Variants in RYR2 observed in about 807,000 individuals in gnomAD.
The protein encoded by RYR2 is ryanodine receptor 2.
A neutral mutation model predicts 601.1 loss-of-function variants in RYR2; 227 were observed. That is an observed-to-expected ratio of 0.38 (90% confidence interval 0.34 to 0.42). The LOEUF (loss-of-function observed/expected upper bound fraction) is 0.42, where lower values mean the gene tolerates loss of function less well. RYR2 is among the 10% of genes least tolerant of loss of function. The pLI is 1.00. For missense variants in RYR2, 4,646 were observed against 6,156.5 expected, an observed-to-expected ratio of 0.75 and a Z score of 8.21; for synonymous variants, 2,223 against 2,175.1, an observed-to-expected ratio of 1.02 and a Z score of -0.61.
chr1:237,159,341 CTAAT>C lies in RYR2; in HGVS notation c.49-111151_49-111148del, dbSNP rs1190832298. On this transcript the variant is annotated intron_variant, in intron 1 of 104. Transcript: ENST00000366574. The stretch of plus-strand genomic sequence containing the variant: ...GTAAAAGCAAATATAGAAATTGGAA[CTAAT>C]TAATAGTTATTTTGGTACAGGATGA... 3.3e-5 allele frequency among the ~76,000 whole-genome samples: 5 copies of C among 151,838 alleles called. No homozygotes were observed. The East Asian group carries it at 7.7e-4, about 24-fold the overall frequency.
intron 102 of RYR2, among the ~76,000 whole-genome samples, chr1:237,829,614 T>A (rs1046912358): frequency 6.6e-6 from 1 of 152,312 alleles, no homozygotes; most frequent in Non-Finnish European, 1.5e-5. Flanking sequence ...ACCTGATCGA[T>A]TGTTCTCCCC....
chr1:237,248,759 ATTT>A (rs34881922), intron 1 of RYR2, among the ~76,000 whole-genome samples: 30 of 119,878 alleles, frequency 2.5e-4, no homozygotes, highest in African/African-American at 5.2e-4. Context: ...ATGAATGTAC[ATTT>A]TTTTTTTTTT....
At position 237,500,898 on chromosome 1, in the gene RYR2, A is replaced by C; in HGVS notation, c.2391A>C (p.Gly797=). The part of the protein sequence containing the change: ...LFFPVVSFSA[G]IKVRFLLGGR... The stretch of plus-strand genomic sequence containing the variant: ...TTCCAGTCGTTAGTTTCTCTGCAGG[A>C]ATAAAGTTAGTATGTCTATGTTTTT... The change falls in exon 21 of 105, where the codon GGA becomes GGC. Residue 797 remains glycine, a synonymous_variant. Coordinates refer to ENST00000366574, the MANE Select transcript of RYR2 (RefSeq NM_001035.3). 1 of 1,613,910 alleles carries C rather than the reference A, an allele frequency of 6.2e-7. No individual in the cohort carries two copies. The highest frequency in any genetic ancestry group is 8.5e-7 in the Non-Finnish European group (1 of 1,179,818).
intron 1 of RYR2, among the ~76,000 whole-genome samples, chr1:237,104,978 T>C (rs917805219): frequency 6.6e-6 from 1 of 152,192 alleles, no homozygotes; most frequent in African/African-American, 2.4e-5. Context: ...TGCTGGGAAT[T>C]TCAGGCTTTC....
At chr1:237,351,852 T>A (rs968355669) in intron 3 of RYR2, among the ~76,000 whole-genome samples, 7 of 36,044 alleles carry the variant, frequency 1.9e-4, no homozygotes, top group South Asian at 6.0e-4. Context: ...ACAAAGACCA[T>A]GCAAAAAAAA....
chr1:237,813,021 A>G (rs1363832165), intron 100 of RYR2, among the ~76,000 whole-genome samples: 1 of 151,516 alleles, frequency 6.6e-6, no homozygotes, highest in African/African-American at 2.4e-5. Context: ...CCCTCCTCCC[A>G]CGCCTATTCA....
chr1:237,522,992 T>TA (rs56371731), intron 24 of RYR2, among the ~76,000 whole-genome samples: 19 of 142,070 alleles, frequency 1.3e-4, no homozygotes, highest in African/African-American at 4.4e-4. Context: ...TCAGCAGACT[T>TA]AAAAAAAAAA....
rs767262604 is a variant in RYR2 at position 237,798,029 on chromosome 1, AC to A, written c.13957-4del. On this transcript the variant is annotated splice_region_variant and splice_polypyrimidine_tract_variant and intron_variant, in intron 96 of 104. Coordinates refer to ENST00000366574, the MANE Select transcript of RYR2 (RefSeq NM_001035.3). ...AAGCCAACAAAATGCTTTTTCTCATACCCCAAGGTTATGGATAAATATGGAG... is the reference window on the plus strand; with the variant it reads ...AAGCCAACAAAATGCTTTTTCTCATACCCAAGGTTATGGATAAATATGGAG... 1 of 1,604,464 alleles carries A rather than the reference AC, an allele frequency of 6.2e-7. No individual in the cohort carries two copies.
rs1317199703 is a variant in RYR2, at chr1:237,588,101, T to G, written c.3599-1692T>G. On this transcript the variant is annotated intron_variant, in intron 29 of 104. Coordinates refer to ENST00000366574, the MANE Select transcript of RYR2 (RefSeq NM_001035.3). ...TAAAACAACTTTTCTTGACTATAGC[T>G]TTAAGAGCTGTCACAGCTGCAGATA... Among the ~76,000 whole-genome samples, 24 of 152,220 alleles carry G rather than the reference T, an allele frequency of 1.6e-4. 1 individual carries two copies. The highest frequency in any genetic ancestry group is 1.6e-3 in the Admixed American group (24 of 15,282).
chr1:237,610,986 C>T lies in RYR2; in HGVS notation c.4908C>T (p.Asn1636=). 3 of 1,610,270 alleles carry T rather than the reference C, an allele frequency of 1.9e-6. No individual in the cohort carries two copies. Among genetic ancestry groups the T allele is most frequent in the Non-Finnish European group, 2.5e-6 (3 of 1,178,112 alleles). Reference sequence around the variant, plus strand: ...TGTCTCTTCATATCCCTGAGGAAAACAGGTCAGCCCCAGTGAATCCCTGAC... The same window carrying T: ...TGTCTCTTCATATCCCTGAGGAAAATAGGTCAGCCCCAGTGAATCCCTGAC... ...QFMSLHIPEE[N]RSVDILELTE... The change falls in exon 36 of 105, where the codon AAC becomes AAT. Residue 1636 remains asparagine (N), a splice_region_variant and synonymous_variant. Transcript: ENST00000366574. The surrounding 1 kb of genome is among the most constrained non-coding windows in gnomAD (Gnocchi z 4.9).
intron 20 of RYR2, among the ~76,000 whole-genome samples, chr1:237,497,415 G>A (rs1664188759): frequency 6.6e-6 from 1 of 152,178 alleles, no homozygotes; most frequent in South Asian, 2.1e-4. Context: ...TCTGATTCAT[G>A]AAGAAGTAGA....
In RYR2 at chr1:237,646,031, T is replaced by C. The variant is rs372156713; in HGVS notation, c.7343-2413T>C. 7.3e-5 allele frequency among the ~76,000 whole-genome samples: 11 copies of C among 151,050 alleles called. No homozygotes were observed. In the South Asian group the frequency reaches 8.6e-4, roughly 12 times the overall value. ...AGCTGGGACTACAGGCGCCCGCCAC[T>C]ATGCCCGGCTAATTCTTTTGTATTT... On this transcript the variant is annotated intron_variant, in intron 48 of 104. Transcript: ENST00000366574.
chr1:237,369,852 G>C (rs1700499737), intron 6 of RYR2, among the ~76,000 whole-genome samples: 1 of 147,606 alleles, frequency 6.8e-6, no homozygotes, highest in Non-Finnish European at 1.5e-5. Flanking sequence ...ACTTTTGATA[G>C]AGTAGTTTTA....
At chr1:237,525,589 T>G (rs1431526927) in intron 24 of RYR2, among the ~76,000 whole-genome samples, 1 of 152,070 alleles carries the variant, frequency 6.6e-6, no homozygotes, top group Admixed American at 6.5e-5. Context: ...TAGCTGGGAT[T>G]ACAGGTGTCC....
intron 2 of RYR2, among the ~76,000 whole-genome samples, chr1:237,308,816 C>T (rs1168470693): frequency 2.0e-5 from 3 of 152,204 alleles, no homozygotes; most frequent in Non-Finnish European, 4.4e-5. Flanking sequence ...GCTTGGGCAG[C>T]CTGCTTTTAT....
At chr1:237,071,941 G>T (rs141411288) in intron 1 of RYR2, among the ~76,000 whole-genome samples, 1 of 152,234 alleles carries the variant, frequency 6.6e-6, no homozygotes, top group Non-Finnish European at 1.5e-5. Flanking sequence ...TGGCCAGGTC[G>T]CGATAGCGCC....
intron 1 of RYR2, among the ~76,000 whole-genome samples, chr1:237,189,301 C>G (rs1293571523): frequency 6.6e-6 from 1 of 152,182 alleles, no homozygotes; most frequent in Non-Finnish European, 1.5e-5. Context: ...ATCTGTTCGT[C>G]TGTTAATGGA....
chr1:237,830,242 G>C (rs909681571), intron 102 of RYR2: 3 of 303,582 alleles, frequency 9.9e-6, no homozygotes, highest in Non-Finnish European at 1.3e-5. Flanking sequence ...TTTTCACCTA[G>C]GCTAGAGAAA....
At chr1:237,329,717 T>C (rs2149562147) in intron 2 of RYR2, among the ~76,000 whole-genome samples, 1 of 152,162 alleles carries the variant, frequency 6.6e-6, no homozygotes, top group African/African-American at 2.4e-5. Flanking sequence ...TACGTGCATA[T>C]ATTGTGTAGT....
Sources: allele counts gnomAD v4.1 joint callset (sites outside exome capture counted in the v4.1 genomes callset), GRCh38; gene constraint gnomAD v4.1.1; non-coding constraint Gnocchi (gnomAD v3.1); transcripts MANE v1.5; gene names NCBI Gene and HGNC (gene_info 2026-07-23, HGNC 2026-07-21).